The following FGD6 variants were observed in gnomAD, a reference collection of about 807,000 sequenced individuals.
FGD6 encodes the protein FYVE, RhoGEF and PH domain-containing protein 6.
A neutral mutation model predicts 149.4 loss-of-function variants in FGD6; 90 were observed. The observed-to-expected ratio is 0.60, with a 90% CI of 0.51 to 0.72. The LOEUF is 0.72. Among genes scored for constraint, FGD6 ranks in the 30% least tolerant of loss-of-function variants. The probability of loss-of-function intolerance (pLI) is 0.00; values close to 1 mark genes in which losing one functional copy is unlikely to be tolerated. For missense variants in FGD6, 1,437 were observed against 1,684.8 expected (o/e 0.85, Z 2.57); for synonymous variants, 527 against 584.0 (o/e 0.90, Z 1.41).
At chr12:95,153,912 CGTGTGTGTGT>C (rs754945627) in intron 3 of FGD6, among the ~76,000 whole-genome samples, 15 of 141,314 alleles carry the variant, frequency 1.1e-4, no homozygotes, top group Non-Finnish European at 2.1e-4. Flanking sequence ...AAATGAAATT[CGTGTGTGTGT>C]GTGTGTGTGT....
chr12:95,110,752 G>A (rs538607777), intron 9 of FGD6, among the ~76,000 whole-genome samples: 7 of 152,178 alleles, frequency 4.6e-5, no homozygotes, highest in South Asian at 2.1e-4. Context: ...TGGAATTCCC[G>A]GTGGACAGGG....
chr12:95,088,561 C>A (rs555626009), intron 18 of FGD6, among the ~76,000 whole-genome samples: 56 of 152,220 alleles, frequency 3.7e-4, no homozygotes, highest in African/African-American at 1.3e-3. Context: ...ACCATATGAG[C>A]AAGCAATTCT....
intron 14 of FGD6, among the ~76,000 whole-genome samples, chr12:95,101,933 G>A (rs1164292668): frequency 1.3e-5 from 2 of 151,626 alleles, no homozygotes; most frequent in African/African-American, 2.4e-5. Flanking sequence ...CACCCGCCTC[G>A]GCCTCCCAAA....
chr12:95,143,387 G>C (rs1396457975), intron 5 of FGD6, among the ~76,000 whole-genome samples: 1 of 151,036 alleles, frequency 6.6e-6, no homozygotes. Context: ...CTATTTTGAA[G>C]AAGTCCAGTC....
intron 14 of FGD6, among the ~76,000 whole-genome samples, chr12:95,099,265 A>C (rs1003052026): frequency 6.6e-5 from 10 of 152,178 alleles, no homozygotes; most frequent in African/African-American, 2.2e-4. Flanking sequence ...TACTGAACGA[A>C]GGGATGAACT....
At chr12:95,169,789 CAA>C (rs919819648) in intron 3 of FGD6, among the ~76,000 whole-genome samples, 6 of 151,978 alleles carry the variant, frequency 3.9e-5, no homozygotes, top group Admixed American at 3.9e-4. Context: ...AGTTGCTTTT[CAA>C]AGAGAGTCAG....
At chr12:95,186,228 CTTTTTTTTTTTTTTTTT>C (rs1174763781) in intron 2 of FGD6, among the ~76,000 whole-genome samples, 9 of 38,938 alleles carry the variant, frequency 2.3e-4, no homozygotes, top group Admixed American at 3.6e-4. Flanking sequence ...TATTCTTCTT[CTTTTTTTTTTTTTTTTT>C]TTTTTTTTTT....
chr12:95,117,885 T>C (rs1251878821), intron 8 of FGD6, among the ~76,000 whole-genome samples: 1 of 151,858 alleles, frequency 6.6e-6, no homozygotes, highest in Non-Finnish European at 1.5e-5. Flanking sequence ...CTACTAAGAA[T>C]ACAAAACTAG....
chr12:95,079,207 C>G lies in FGD6; in HGVS notation c.*2313G>C, dbSNP rs1042958748. On this transcript the variant is annotated 3_prime_UTR_variant, in exon 21 of 21. Coordinates refer to ENST00000343958, the MANE Select transcript of FGD6 (RefSeq NM_018351.4). ...TAATACTATTCCACATTTAAAACAT[C>G]TTTTTGGGAGAAGGATAATTGGATA... is the stretch of plus-strand genomic sequence containing the variant. 6.6e-6 allele frequency: 1 copy of G among 152,128 alleles called. No individual in the cohort carries two copies. The highest frequency in any genetic ancestry group is 1.9e-4 in the East Asian group (1 of 5,198). 9.4% of individuals were successfully genotyped at this position (152,128 alleles called of 1,614,324 possible).
chr12:95,120,507 C>T (rs924926047), intron 8 of FGD6, among the ~76,000 whole-genome samples: 2 of 151,538 alleles, frequency 1.3e-5, no homozygotes, highest in Non-Finnish European at 2.9e-5. Context: ...GCCAACATAG[C>T]GAAACCCTGT....
At chr12:95,098,361 T>TA (rs2136236594) in intron 14 of FGD6, among the ~76,000 whole-genome samples, 1 of 152,300 alleles carries the variant, frequency 6.6e-6, no homozygotes, top group South Asian at 2.1e-4. Context: ...GGATACTCTT[T>TA]AAAAAATGCC....
At chr12:95,135,938 A>G (rs1592846952) in intron 7 of FGD6, among the ~76,000 whole-genome samples, 1 of 152,222 alleles carries the variant, frequency 6.6e-6, no homozygotes, top group East Asian at 1.9e-4. Flanking sequence ...ATTACATTGC[A>G]CTTTGTTTTT....
At chr12:95,145,458 T>G (rs182949598) in intron 5 of FGD6, among the ~76,000 whole-genome samples, 1 of 152,312 alleles carries the variant, frequency 6.6e-6, no homozygotes, top group East Asian at 1.9e-4. Context: ...GCCCAGGTGA[T>G]GTATGATCAC....
chr12:95,121,394 G>A, intron 8 of FGD6, among the ~76,000 whole-genome samples: 1 of 147,396 alleles, frequency 6.8e-6, no homozygotes, highest in Non-Finnish European at 1.5e-5. Flanking sequence ...AGGTTGCAGT[G>A]AGCTGAGTTC....
In FGD6 at chr12:95,113,076, C is replaced by T. The variant is rs558136249; in HGVS notation, c.3133+575G>A. Among the ~76,000 whole-genome samples, 16 of 152,182 alleles carry T rather than the reference C, an allele frequency of 1.1e-4. No homozygotes were observed. The South Asian group carries it at 1.9e-3, about 18-fold the overall frequency. ...CAAAGATTCCTGACCTCAGCCACCA[C>T]GCTGGCTTCACAGTCGCAAGAGGCT... is the stretch of plus-strand genomic sequence containing the variant. On this transcript the variant is annotated intron_variant, in intron 9 of 20. Transcript: ENST00000343958.
At chr12:95,160,653 G>C (rs1880612151) in intron 3 of FGD6, among the ~76,000 whole-genome samples, 1 of 152,096 alleles carries the variant, frequency 6.6e-6, no homozygotes, top group African/African-American at 2.4e-5. Flanking sequence ...GTGAAACAAA[G>C]AACAATGTAA....
intron 2 of FGD6, among the ~76,000 whole-genome samples, chr12:95,200,886 C>G (rs1192042044): frequency 2.0e-5 from 3 of 152,022 alleles, no homozygotes; most frequent in Non-Finnish European, 4.4e-5. Context: ...TTAAGACACT[C>G]AGCATTAAAA....
chr12:95,155,037 T>C (rs1381183917), intron 3 of FGD6, among the ~76,000 whole-genome samples: 1 of 152,058 alleles, frequency 6.6e-6, no homozygotes, highest in Admixed American at 6.6e-5. Flanking sequence ...GGTAAAAAAA[T>C]AGATGCAGGT....
At chr12:95,109,207 T>C (rs1848452777) in intron 9 of FGD6, among the ~76,000 whole-genome samples, 1 of 152,228 alleles carries the variant, frequency 6.6e-6, no homozygotes, top group African/African-American at 2.4e-5. Flanking sequence ...CAAAGTGTTT[T>C]TCCATACTCC....
Sources: allele counts gnomAD v4.1 joint callset (sites outside exome capture counted in the v4.1 genomes callset), GRCh38; gene constraint gnomAD v4.1.1; transcripts MANE v1.5; gene names NCBI Gene and HGNC (gene_info 2026-07-23, HGNC 2026-07-21).